Variants in CLIC5 observed in about 807,000 individuals in gnomAD.
CLIC5 encodes the protein CLIC family member 5.
In CLIC5, 20 loss-of-function variants were observed where a neutral mutation model predicts 24.7. That is an observed-to-expected ratio of 0.81 (90% confidence interval 0.57 to 1.18). CLIC5 has a LOEUF of 1.18. Among genes scored for constraint, CLIC5 ranks in the 50% most tolerant of loss-of-function variants. CLIC5 has a pLI of 0.00. For missense variants in CLIC5, 341 were observed against 326.1 expected (o/e 1.05, Z -0.35); for synonymous variants, 159 against 135.6 (o/e 1.17, Z -1.20).
intron 1 of CLIC5, among the ~76,000 whole-genome samples, chr6:45,978,844 G>A (rs183882296): frequency 6.6e-6 from 1 of 152,198 alleles, no homozygotes; most frequent in East Asian, 1.9e-4. Flanking sequence ...CAGCTACTTG[G>A]GAGGCTGAGG....
rs1260171754 is a variant in CLIC5, at chr6:46,044,771, AAC to A, written c.540+34930_540+34931del. Among the ~76,000 whole-genome samples, 4 of 152,242 alleles carry A rather than the reference AAC, an allele frequency of 2.6e-5. No homozygotes were observed. The East Asian group carries it at 7.7e-4, about 29-fold the overall frequency. The stretch of plus-strand genomic sequence containing the variant: ...CATATTCAGCTACTTGTAGGATTAT[AAC>A]ACAATTAATGAAAGTTACAATCTAA... On this transcript the variant is annotated intron_variant, in intron 1 of 5. Transcript: ENST00000185206.
At chr6:46,018,562 C>T (rs1345715746), upstream of CLIC5, among the ~76,000 whole-genome samples, 1 of 152,132 alleles carries the variant, frequency 6.6e-6, no homozygotes, top group African/African-American at 2.4e-5. Flanking sequence ...TCATATTATG[C>T]CTTAGCTCAA....
chr6:45,955,991 G>A (rs770968168), intron 1 of CLIC5, among the ~76,000 whole-genome samples: 3 of 152,280 alleles, frequency 2.0e-5, no homozygotes, highest in Admixed American at 6.5e-5. Context: ...CCTCCAAGGA[G>A]CTTATGGCCT....
intron 1 of CLIC5, among the ~76,000 whole-genome samples, chr6:45,985,264 A>G (rs945355943): frequency 6.6e-6 from 1 of 152,206 alleles, no homozygotes; most frequent in African/African-American, 2.4e-5. Context: ...AGATGGGCCC[A>G]GAGAGATAAC....
At chr6:46,108,183 G>C in the CLIC5 span, among the ~76,000 whole-genome samples, 1 of 151,958 alleles carries the variant, frequency 6.6e-6, no homozygotes, top group African/African-American at 2.4e-5. Context: ...TGCTTATAAG[G>C]TTTTATTAAA....
At chr6:46,051,325 TG>T (rs1768096457) in intron 1 of CLIC5, among the ~76,000 whole-genome samples, 1 of 152,170 alleles carries the variant, frequency 6.6e-6, no homozygotes, top group Non-Finnish European at 1.5e-5. Flanking sequence ...CTCAGTGTGA[TG>T]GGGGGCAAAT....
chr6:45,946,588 C>T (rs1764296327), intron 3 of CLIC5, among the ~76,000 whole-genome samples: 1 of 152,200 alleles, frequency 6.6e-6, no homozygotes, highest in African/African-American at 2.4e-5. Flanking sequence ...CCCTAGAGAA[C>T]CAGAAGGCCA....
In CLIC5 at chr6:46,004,381, ATGGAAAGTGGG is replaced by A. The variant is rs536820220; in HGVS notation, c.63+11088_63+11098del. Reference sequence around the variant, plus strand: ...CAGCCACAGGATTGAGCTCTGGACTATGGAAAGTGGGTGGAAGTGATTCGACCATGCAAACC... The same window carrying A: ...CAGCCACAGGATTGAGCTCTGGACTATGGAAGTGATTCGACCATGCAAACC... On this transcript the variant is annotated intron_variant, in intron 1 of 5. Transcript: ENST00000339561. 5.3e-5 allele frequency among the ~76,000 whole-genome samples: 8 copies of A among 152,336 alleles called. No individual in the cohort carries two copies. The East Asian group carries it at 1.4e-3, about 26-fold the overall frequency.
At chr6:45,905,480 CT>C (rs36089623) in intron 5 of CLIC5, among the ~76,000 whole-genome samples, 60,419 of 125,012 alleles carry the variant, frequency 0.48, 13,690 homozygotes, top group East Asian at 0.6. Context: ...TGATACTGAG[CT>C]TTTTTTTTTT....
intron 1 of CLIC5, among the ~76,000 whole-genome samples, chr6:46,026,663 C>T (rs1395625307): frequency 2.6e-5 from 4 of 152,150 alleles, no homozygotes; most frequent in African/African-American, 7.2e-5. Flanking sequence ...TCAACAAACA[C>T]TTCCTGGGCA....
chr6:46,019,692 C>CAAA (rs60367562), upstream of CLIC5, among the ~76,000 whole-genome samples: 10 of 62,804 alleles, frequency 1.6e-4, no homozygotes, highest in Non-Finnish European at 2.0e-4. Flanking sequence ...GACTCCGTCT[C>CAAA]AAAAAAAAAA....
chr6:46,105,601 G>T, the CLIC5 span, among the ~76,000 whole-genome samples: 1 of 152,124 alleles, frequency 6.6e-6, no homozygotes, highest in Non-Finnish European at 1.5e-5. Flanking sequence ...TAGTGACTCA[G>T]GCCCCTTAAG....
chr6:45,924,881 C>G (rs939628896), intron 4 of CLIC5, among the ~76,000 whole-genome samples: 36 of 152,112 alleles, frequency 2.4e-4, no homozygotes, highest in Admixed American at 6.5e-4. Flanking sequence ...AAAGAGATAT[C>G]GGTAGAAATT....
At chr6:45,959,743 A>G (rs1399687133) in intron 1 of CLIC5, among the ~76,000 whole-genome samples, 2 of 152,188 alleles carry the variant, frequency 1.3e-5, no homozygotes, top group Non-Finnish European at 2.9e-5. Context: ...TCAGCTGGCA[A>G]CTCAATCATA....
At chr6:46,020,624 TC>T (rs1767149058), upstream of CLIC5, among the ~76,000 whole-genome samples, 1 of 150,824 alleles carries the variant, frequency 6.6e-6, no homozygotes. Flanking sequence ...ATAGAGAAAA[TC>T]AATAATACTA....
chr6:45,984,903 A>T (rs941865254), intron 1 of CLIC5, among the ~76,000 whole-genome samples: 1 of 152,224 alleles, frequency 6.6e-6, no homozygotes, highest in Non-Finnish European at 1.5e-5. Flanking sequence ...AACTGTCTTA[A>T]TACCAGGGAA....
intron 1 of CLIC5, among the ~76,000 whole-genome samples, chr6:45,975,213 G>T (rs3777599): frequency 0.31 from 47,491 of 151,944 alleles, 7,702 homozygotes; most frequent in Admixed American, 0.35. Context: ...TGTAGCTTTG[G>T]TGAGGCACAC....
chr6:46,111,686 C>T, the CLIC5 span, among the ~76,000 whole-genome samples: 1 of 152,106 alleles, frequency 6.6e-6, no homozygotes, highest in African/African-American at 2.4e-5. Flanking sequence ...CAACTATATA[C>T]AAAACATTTT....
intron 1 of CLIC5, among the ~76,000 whole-genome samples, chr6:46,076,792 ATTTATTTG>A (rs148653731): frequency 6.6e-6 from 1 of 152,136 alleles, no homozygotes; most frequent in Non-Finnish European, 1.5e-5. Context: ...CCTATTTTAT[ATTTATTTG>A]TTTATTTGTT....
Sources: gnomAD v4.1 joint callset for allele counts (sites outside exome capture counted in the v4.1 genomes callset) on GRCh38, gnomAD v4.1.1 for gene constraint, MANE v1.5 for transcripts, NCBI Gene and HGNC (gene_info 2026-07-23, HGNC 2026-07-21) for gene names.